Variants in PGM5 observed in about 807,000 individuals in gnomAD.
PGM5 encodes phosphoglucomutase 5, also known as phosphoglucomutase-like protein 5.
Under a neutral mutation model 59.2 loss-of-function variants are expected in PGM5, and 23 were observed. The ratio of observed to expected loss-of-function variants is 0.39; its 90% CI spans 0.28 to 0.55. PGM5 has a LOEUF of 0.55. Ranked by LOEUF, PGM5 falls within the 20% of genes least tolerant of loss-of-function variation. The probability of loss-of-function intolerance (pLI) is 0.66; values close to 1 mark genes in which losing one functional copy is unlikely to be tolerated. For synonymous variants in PGM5, 214 were observed against 286.0 expected, an observed-to-expected ratio of 0.75 and a Z score of 2.54; for missense variants, 574 against 748.3, an observed-to-expected ratio of 0.77 and a Z score of 2.72.
At chr9:68,481,314 G>C (rs1332488066) in intron 8 of PGM5, among the ~76,000 whole-genome samples, 1 of 152,180 alleles carries the variant, frequency 6.6e-6, no homozygotes, top group Non-Finnish European at 1.5e-5. Context: ...GAAAGCTGGG[G>C]ATGTGATAGC....
chr9:68,412,732 T>G (rs1554681690), intron 6 of PGM5, among the ~76,000 whole-genome samples: 1 of 152,242 alleles, frequency 6.6e-6, no homozygotes, highest in Non-Finnish European at 1.5e-5. Context: ...AAGGGACCAT[T>G]TTCTTAACAG....
At chr9:68,445,475 G>C (rs1823596985) in intron 6 of PGM5, among the ~76,000 whole-genome samples, 1 of 152,164 alleles carries the variant, frequency 6.6e-6, no homozygotes, top group African/African-American at 2.4e-5. Context: ...TCCCTCCTAG[G>C]CTCCCTAGAT....
At chr9:68,366,285 A>T (rs1834676692) in intron 1 of PGM5, among the ~76,000 whole-genome samples, 1 of 152,050 alleles carries the variant, frequency 6.6e-6, no homozygotes, top group South Asian at 2.1e-4. Context: ...GGAAAAACTC[A>T]GAAAAAATCT....
At chr9:68,445,415 G>A (rs965693337) in intron 6 of PGM5, among the ~76,000 whole-genome samples, 4 of 152,176 alleles carry the variant, frequency 2.6e-5, no homozygotes, top group Non-Finnish European at 5.9e-5. Context: ...GGAGCTGCAA[G>A]CACTTAGAAA....
rs1425542542 is a variant in PGM5 at position 68,418,712 on chromosome 9, G to A, written c.1043+26239G>A. On this transcript the variant is annotated intron_variant, in intron 6 of 10. Transcript: ENST00000396396. ...CCTTCTGAATGCCCTCTGAGCCCTG[G>A]GGGTCTTATCAGCTGGCTGCGGCGG... Among the ~76,000 whole-genome samples, 26 of 151,592 alleles carry A rather than the reference G, an allele frequency of 1.7e-4. 1 individual carries two copies. In the South Asian group the frequency reaches 5.4e-3, roughly 32 times the overall value.
intron 5 of PGM5, 117 bp from the exon 6 acceptor site, chr9:68,392,202 A>G (rs1271277772): frequency 2.0e-5 from 29 of 1,435,280 alleles, no homozygotes; most frequent in Non-Finnish European, 2.6e-5. Flanking sequence ...CTTTGGCCTC[A>G]TTCAAGTTGT....
chr9:68,492,046 G>A (rs1404160673), intron 9 of PGM5, among the ~76,000 whole-genome samples: 14 of 152,112 alleles, frequency 9.2e-5, no homozygotes, highest in African/African-American at 3.4e-4. Flanking sequence ...AAGCATTATC[G>A]AATGACAACA....
At chr9:68,435,453 C>A (rs188878793) in intron 6 of PGM5, among the ~76,000 whole-genome samples, 37 of 152,310 alleles carry the variant, frequency 2.4e-4, no homozygotes, top group African/African-American at 8.9e-4. Context: ...TAAGCAACCA[C>A]AAATCTACTT....
At chr9:68,509,280 C>A (rs1824707504) in intron 10 of PGM5, among the ~76,000 whole-genome samples, 1 of 152,194 alleles carries the variant, frequency 6.6e-6, no homozygotes, top group Non-Finnish European at 1.5e-5. Context: ...ATCTCAAAGC[C>A]AGAATGCTTA....
intron 7 of PGM5, among the ~76,000 whole-genome samples, chr9:68,467,526 T>A (rs1055606310): frequency 1.5e-4 from 23 of 152,214 alleles, no homozygotes; most frequent in African/African-American, 5.1e-4. Context: ...TAAAGAGAAG[T>A]ACACAAGTGG....
At chr9:68,439,085 G>A (rs1823485663) in intron 6 of PGM5, among the ~76,000 whole-genome samples, 2 of 152,100 alleles carry the variant, frequency 1.3e-5, no homozygotes, top group Admixed American at 6.5e-5. Flanking sequence ...TGGGTAGACT[G>A]AGCATGGTGG....
intron 6 of PGM5, among the ~76,000 whole-genome samples, chr9:68,438,078 G>A (rs1024036658): frequency 3.3e-5 from 5 of 151,770 alleles, no homozygotes; most frequent in African/African-American, 1.2e-4. Context: ...GCCTGAGCTC[G>A]GGAGTTCAGA....
intron 10 of PGM5, among the ~76,000 whole-genome samples, chr9:68,527,032 T>C (rs1234563085): frequency 6.6e-6 from 1 of 152,186 alleles, no homozygotes; most frequent in Non-Finnish European, 1.5e-5. Flanking sequence ...GTCACGGACA[T>C]CTAGTGAGCT....
Position 68,530,271 on chromosome 9 carries a change from A to G in PGM5, c.*615A>G, listed in dbSNP as rs1825060102. The G allele has an allele frequency of 1.3e-5, 2 of 152,190 alleles. No homozygotes were observed. The highest frequency in any genetic ancestry group is 4.8e-5 in the African/African-American group (2 of 41,442). The allele number at this position is 152,190 out of a possible 1,614,324, so 9.4% of individuals were successfully genotyped here. ...CTTCTAAAGCTTTGTACAAATCACAATGGTGCACTTCCAACAAAATATATC... is the reference window on the plus strand; with the variant it reads ...CTTCTAAAGCTTTGTACAAATCACAGTGGTGCACTTCCAACAAAATATATC... On this transcript the variant is annotated 3_prime_UTR_variant, in exon 11 of 11. Transcript: ENST00000396396.
chr9:68,431,746 G>A (rs1199262821), intron 6 of PGM5, among the ~76,000 whole-genome samples: 1 of 152,202 alleles, frequency 6.6e-6, no homozygotes, highest in Admixed American at 6.5e-5. Flanking sequence ...AGGACTCTGT[G>A]CCAAGATTTT....
chr9:68,456,314 G>A (rs190939460), intron 6 of PGM5, among the ~76,000 whole-genome samples: 1 of 149,590 alleles, frequency 6.7e-6, no homozygotes, highest in Non-Finnish European at 1.5e-5. Flanking sequence ...TTTTGGGGGT[G>A]GGGGGGTGGC....
At chr9:68,418,877 G>A (rs1381867182) in intron 6 of PGM5, among the ~76,000 whole-genome samples, 1 of 152,188 alleles carries the variant, frequency 6.6e-6, no homozygotes, top group Admixed American at 6.5e-5. Flanking sequence ...GTAAGGAGGT[G>A]TTGGGAGATG....
chr9:68,477,059 T>C (rs1482490385), intron 7 of PGM5, among the ~76,000 whole-genome samples: 1 of 152,252 alleles, frequency 6.6e-6, no homozygotes, highest in Non-Finnish European at 1.5e-5. Flanking sequence ...AACTTGTTTT[T>C]TGGCAGTTGG....
At chr9:68,442,752 A>T (rs1459339684) in intron 6 of PGM5, among the ~76,000 whole-genome samples, 11 of 152,260 alleles carry the variant, frequency 7.2e-5, no homozygotes, top group Admixed American at 7.2e-4. Flanking sequence ...ATGTTTTAAC[A>T]GATACTTCAC....
Sources: gnomAD v4.1 joint callset for allele counts (sites outside exome capture counted in the v4.1 genomes callset) on GRCh38, gnomAD v4.1.1 for gene constraint, MANE v1.5 for transcripts, NCBI Gene and HGNC (gene_info 2026-07-23, HGNC 2026-07-21) for gene names.